The following TAF4B variants were observed in gnomAD, a reference collection of about 807,000 sequenced individuals.
TAF4B encodes TATA-box binding protein associated factor 4b.
Under a neutral mutation model 86.4 loss-of-function variants are expected in TAF4B, and 38 were observed. That is an observed-to-expected ratio of 0.44 (90% CI 0.34 to 0.58). The LOEUF is 0.58. Among genes scored for constraint, TAF4B ranks in the 20% least tolerant of loss-of-function variants. The pLI, the probability that TAF4B is intolerant of heterozygous loss-of-function variation, is 0.02. For synonymous variants in TAF4B, 388 were observed against 391.2 expected, an observed-to-expected ratio of 0.99 and a Z score of 0.10; for missense variants, 988 against 1,027.6, an observed-to-expected ratio of 0.96 and a Z score of 0.53.
In TAF4B at chr18:26,237,376, C is replaced by T. The variant is rs561651077; in HGVS notation, c.343+10100C>T. On this transcript the variant is annotated intron_variant, in intron 1 of 14. Transcript: ENST00000269142. ...CTATCAGGATTATCTGAAAACTTCC[C>T]CAGGTCTACCTTGATCTGCTTTAAA... 2.5e-4 allele frequency among the ~76,000 whole-genome samples: 38 copies of T among 152,270 alleles called. 1 individual carries two copies. Among genetic ancestry groups the T allele is most frequent in the Middle Eastern group, 3.4e-3 (1 of 294 alleles).
chr18:26,234,555 G>A (rs1199984791), intron 1 of TAF4B, among the ~76,000 whole-genome samples: 4 of 152,158 alleles, frequency 2.6e-5, no homozygotes, highest in African/African-American at 9.7e-5. Flanking sequence ...GGGGGAAGAG[G>A]CTTACTTTCA....
Position 26,324,919 on chromosome 18 carries a change from CAGTTCATCCCTGAT to C in TAF4B, c.2134-2093_2134-2080del, listed in dbSNP as rs534993748. Among the ~76,000 whole-genome samples the C allele has an allele frequency of 2.4e-3, 361 of 152,274 alleles. 1 individual carries two copies. Among genetic ancestry groups the C allele is most frequent in the African/African-American group, 8.3e-3 (345 of 41,546 alleles). Reference sequence around the variant, plus strand: ...CAGCTTTAGCCCTGTCCTTATATTTCAGTTCATCCCTGATAGGATTTATTTTTATCTGTACAGTG... The same window carrying C: ...CAGCTTTAGCCCTGTCCTTATATTTCAGGATTTATTTTTATCTGTACAGTG... On this transcript the variant is annotated intron_variant, in intron 11 of 14. Coordinates refer to ENST00000269142, the MANE Select transcript of TAF4B (RefSeq NM_005640.3).
chr18:26,235,221 C>G (rs73946326), intron 1 of TAF4B, among the ~76,000 whole-genome samples: 2,295 of 152,258 alleles, frequency 0.015, 57 homozygotes, highest in African/African-American at 0.053. Flanking sequence ...TATTTGCCCT[C>G]TGGGTCTCCT....
At chr18:26,336,068 A>C (rs2057088301) in intron 13 of TAF4B, among the ~76,000 whole-genome samples, 2 of 152,086 alleles carry the variant, frequency 1.3e-5, no homozygotes, top group Non-Finnish European at 2.9e-5. Flanking sequence ...TGACCTACAG[A>C]TTCTTTTCCC....
chr18:26,357,539 A>C (rs180978162), intron 13 of TAF4B, 151 bp from the exon 14 acceptor site: 1 of 497,756 alleles, frequency 2.0e-6, no homozygotes, highest in East Asian at 3.4e-5. Context: ...AAGAATCAGA[A>C]AATGTGCCCT....
chr18:26,312,132 G>A (rs918511905), intron 9 of TAF4B, among the ~76,000 whole-genome samples: 1 of 152,058 alleles, frequency 6.6e-6, no homozygotes, highest in African/African-American at 2.4e-5. Context: ...CACCTTCATC[G>A]AAAGACACCG....
intron 9 of TAF4B, among the ~76,000 whole-genome samples, chr18:26,294,926 T>C (rs2144618220): frequency 6.6e-6 from 1 of 150,394 alleles, no homozygotes; most frequent in East Asian, 1.9e-4. Context: ...AAGAGTGATC[T>C]ACAAGAGGAA....
intron 9 of TAF4B, 77 bp from the exon 10 acceptor site, chr18:26,315,152 C>CTGTCTG (rs1568148058): frequency 4.1e-5 from 21 of 506,974 alleles, no homozygotes; most frequent in Non-Finnish European, 4.5e-5. Flanking sequence ...CTCTGTCTCT[C>CTGTCTG]TCTCTCTCTC....
rs760643975 is a variant in TAF4B at position 26,315,397 on chromosome 18, T to C, written c.2001T>C (p.Ile667=). 20 of 1,610,456 alleles carry C rather than the reference T, an allele frequency of 1.2e-5. No individual in the cohort carries two copies. The highest frequency in any genetic ancestry group is 1.6e-5 in the Non-Finnish European group (19 of 1,178,972). Residue 667 remains isoleucine (I), a splice_region_variant and synonymous_variant, in exon 10 of 15, where the codon ATT becomes ATC. Transcript: ENST00000269142. The part of the protein sequence containing the change: ...IGALQKRILD[I]GKKHDITELN... ...CTCTACAAAAGAGAATTTTAGACAT[T>C]GGTAAGTGTAGAGTTATGATTATTG...
chr18:26,354,099 A>G (rs1199695319), intron 13 of TAF4B, among the ~76,000 whole-genome samples: 10 of 152,206 alleles, frequency 6.6e-5, no homozygotes, highest in Non-Finnish European at 2.9e-5. Flanking sequence ...TGTTTGAGAT[A>G]GAATCTCACT....
At chr18:26,320,266 G>C (rs939502656) in intron 10 of TAF4B, among the ~76,000 whole-genome samples, 1 of 152,196 alleles carries the variant, frequency 6.6e-6, no homozygotes, top group Non-Finnish European at 1.5e-5. Context: ...CTAATTGCCT[G>C]TATCTTTAGA....
chr18:26,290,917 C>G (rs1427736701), intron 7 of TAF4B, among the ~76,000 whole-genome samples: 3 of 152,008 alleles, frequency 2.0e-5, no homozygotes, highest in Admixed American at 6.6e-5. Flanking sequence ...TAAGCCTGGT[C>G]CCTAGAACTA....
At chr18:26,242,766 G>C (rs935913729) in intron 1 of TAF4B, among the ~76,000 whole-genome samples, 1 of 152,310 alleles carries the variant, frequency 6.6e-6, no homozygotes, top group East Asian at 1.9e-4. Flanking sequence ...AGGAGCTCTT[G>C]TAAGGCAGGC....
intron 9 of TAF4B, chr18:26,295,146 A>C (rs1346016348): frequency 3.6e-6 from 1 of 276,760 alleles, no homozygotes; most frequent in Admixed American, 4.1e-5. Flanking sequence ...ATTTGTATAA[A>C]ATTTGTACCT....
chr18:26,239,272 G>A (rs1281113100), intron 1 of TAF4B, among the ~76,000 whole-genome samples: 2 of 152,062 alleles, frequency 1.3e-5, no homozygotes, highest in East Asian at 3.9e-4. Context: ...ACTTTTTAAT[G>A]ATTGCCATTC....
chr18:26,290,722 C>A (rs1338416674), intron 7 of TAF4B, among the ~76,000 whole-genome samples: 2 of 152,164 alleles, frequency 1.3e-5, no homozygotes, highest in African/African-American at 2.4e-5. Context: ...TTGATTCTGA[C>A]AACTTTCACA....
intron 14 of TAF4B, among the ~76,000 whole-genome samples, chr18:26,379,468 T>G (rs1351142285): frequency 3.3e-5 from 5 of 152,090 alleles, no homozygotes; most frequent in Non-Finnish European, 7.4e-5. Context: ...CTTTCCCCAT[T>G]GCATCACCTT....
intron 7 of TAF4B, among the ~76,000 whole-genome samples, chr18:26,290,686 T>C (rs567684759): frequency 8.5e-5 from 13 of 152,312 alleles, no homozygotes; most frequent in Non-Finnish European, 1.6e-4. Context: ...GTTTTTGGTT[T>C]TCTTTCAAAC....
chr18:26,338,388 G>T (rs776801964), intron 13 of TAF4B, among the ~76,000 whole-genome samples: 2 of 151,396 alleles, frequency 1.3e-5, no homozygotes, highest in Admixed American at 6.6e-5. Context: ...GGCAGAGGTT[G>T]CAGTGAGCCG....
Sources: allele counts gnomAD v4.1 joint callset (sites outside exome capture counted in the v4.1 genomes callset), GRCh38; gene constraint gnomAD v4.1.1; transcripts MANE v1.5; gene names NCBI Gene and HGNC (gene_info 2026-07-23, HGNC 2026-07-21).